TRNT1: variants seen among roughly 807,000 people sequenced by gnomAD.
TRNT1 encodes the protein tRNA nucleotidyl transferase 1.
TRNT1 carries 44 observed loss-of-function variants against 45.6 expected under a neutral mutation model. The observed-to-expected ratio is 0.97, with a 90% CI of 0.76 to 1.24. TRNT1 has a LOEUF of 1.24. Among genes scored for constraint, TRNT1 ranks in the 50% most tolerant of loss-of-function variants. The pLI, the probability that TRNT1 is intolerant of heterozygous loss-of-function variation, is 0.00. For synonymous variants in TRNT1, 201 were observed against 171.4 expected, an observed-to-expected ratio of 1.17 and a Z score of -1.35; for missense variants, 633 against 504.4, an observed-to-expected ratio of 1.25 and a Z score of -2.44.
At chr3:3,139,901 G>T (rs1185857741) in intron 3 of TRNT1, among the ~76,000 whole-genome samples, 2 of 151,986 alleles carry the variant, frequency 1.3e-5, no homozygotes, top group African/African-American at 4.8e-5. Flanking sequence ...TGGTTTTTTT[G>T]TATGTTTGGT....
rs781402673 is a variant in TRNT1, at chr3:3,140,680, T to A, written c.481+32T>A. 12 of 1,603,594 alleles carry A rather than the reference T, an allele frequency of 7.5e-6. No individual in the cohort carries two copies. In the Admixed American group the frequency reaches 1.7e-4, roughly 23 times the overall value. On this transcript the variant is annotated intron_variant, in intron 4 of 7. Transcript: ENST00000251607. ...TTTGCAGATAAAACCATATTGTGAG[T>A]CTATCAGAATGCCTTCTTTTCAAGT...
At chr3:3,152,306 C>T, downstream of TRNT1, 1 of 810,476 alleles carries the variant, frequency 1.2e-6, no homozygotes, top group Admixed American at 2.6e-5. Context: ...ACCCCTGCCC[C>T]CATACCCGGC....
intron 1 of TRNT1, chr3:3,127,849 C>G (rs933154353): frequency 2.0e-5 from 3 of 152,132 alleles, no homozygotes; most frequent in Non-Finnish European, 4.4e-5. Flanking sequence ...TGCTCCCCGA[C>G]CAAACCACCA....
chr3:3,144,585 T>G lies in TRNT1; in HGVS notation c.483T>G (p.Gly161=). The change falls in exon 5 of 8, where the codon GGT becomes GGG. Residue 161 remains glycine (G), a splice_region_variant and synonymous_variant. Transcript: ENST00000251607. ...RDLTINSMFL[G]FDGTLFDYFN... is the part of the protein sequence containing the mutation. ...TCTCCCTCCTTTTCTAATGAATAGG[T>G]TTTGATGGCACTTTATTTGACTACT... The G allele has an allele frequency of 6.3e-7, 1 of 1,577,856 alleles. No homozygotes were observed. The highest frequency in any genetic ancestry group is 8.6e-7 in the Non-Finnish European group (1 of 1,161,238).
intron 2 of TRNT1, among the ~76,000 whole-genome samples, chr3:3,132,547 G>A (rs1430130033): frequency 7.8e-5 from 6 of 76,528 alleles, no homozygotes; most frequent in African/African-American, 3.1e-4. Context: ...TCGGGGGAGG[G>A]GGGAGGGATA....
At chr3:3,142,964 A>G (rs1249538822) in intron 4 of TRNT1, among the ~76,000 whole-genome samples, 2 of 152,230 alleles carry the variant, frequency 1.3e-5, no homozygotes, top group East Asian at 3.8e-4. Context: ...AACTATTAAC[A>G]GCTTGGAAAG....
rs1706140312 is a variant in TRNT1, at chr3:3,147,708, GTA to G, written c.1056+10_1056+11del. The G allele has an allele frequency of 2.5e-6, 4 of 1,603,968 alleles. No individual in the cohort carries two copies. The highest frequency in any genetic ancestry group is 2.6e-6 in the Non-Finnish European group (3 of 1,175,496). On this transcript the variant is annotated splice_donor_region_variant and intron_variant, in intron 7 of 7. Coordinates refer to ENST00000251607, the MANE Select transcript of TRNT1 (RefSeq NM_182916.3). Reference sequence around the variant, plus strand: ...TATCAAGACTTCATTATAGATGTAAGTATATACTAGGCTTGGTCAGAAATATG... The same window carrying G: ...TATCAAGACTTCATTATAGATGTAAGTATACTAGGCTTGGTCAGAAATATG...
At chr3:3,142,061 T>C (rs1286714578) in intron 4 of TRNT1, among the ~76,000 whole-genome samples, 1 of 152,182 alleles carries the variant, frequency 6.6e-6, no homozygotes, top group Non-Finnish European at 1.5e-5. Context: ...TATATGACCA[T>C]AGAGAGCCCA....
intron 2 of TRNT1, among the ~76,000 whole-genome samples, chr3:3,133,518 ACTGCACTCCAGC>A (rs1005983825): frequency 6.6e-6 from 1 of 151,890 alleles, no homozygotes; most frequent in African/African-American, 2.4e-5. Context: ...TGGTGGTGCC[ACTGCACTCCAGC>A]CTGGATGACA....
At position 3,147,713 on chromosome 3, in the gene TRNT1, T is replaced by C. The variant is rs1706140866; in HGVS notation, c.1056+10T>C. 6.3e-7 allele frequency: 1 copy of C among 1,592,844 alleles called. No individual in the cohort carries two copies. Among genetic ancestry groups the C allele is most frequent in the Non-Finnish European group, 8.5e-7 (1 of 1,171,282 alleles). ...AGACTTCATTATAGATGTAAGTATA[T>C]ACTAGGCTTGGTCAGAAATATGAAG... On this transcript the variant is annotated intron_variant, in intron 7 of 7. Coordinates refer to ENST00000251607, the MANE Select transcript of TRNT1 (RefSeq NM_182916.3).
chr3:3,127,756 C>T (rs1013760809), intron 1 of TRNT1: 2 of 152,194 alleles, frequency 1.3e-5, no homozygotes, highest in African/African-American at 2.4e-5. Context: ...TTCTAGAACC[C>T]CGCATCCCTC....
intron 2 of TRNT1, among the ~76,000 whole-genome samples, chr3:3,133,380 C>A (rs374029781): frequency 1.1e-4 from 16 of 151,940 alleles, no homozygotes; most frequent in East Asian, 9.8e-4. Context: ...ATAGTGAAAT[C>A]CCATCTGTAC....
downstream of TRNT1, chr3:3,149,928 G>T (rs570695643): frequency 3.9e-5 from 6 of 152,230 alleles, no homozygotes; most frequent in Middle Eastern, 3.4e-3. Context: ...TTGAATATAA[G>T]CAAAGAGGTA....
chr3:3,136,194 C>T (rs1439096526), intron 2 of TRNT1, among the ~76,000 whole-genome samples: 2 of 152,098 alleles, frequency 1.3e-5, no homozygotes, highest in African/African-American at 2.4e-5. Flanking sequence ...ATCGATCCAT[C>T]GTGGTCACAG....
At chr3:3,135,658 G>C (rs1271330008) in intron 2 of TRNT1, among the ~76,000 whole-genome samples, 1 of 152,180 alleles carries the variant, frequency 6.6e-6, no homozygotes, top group Non-Finnish European at 1.5e-5. Context: ...GGGAAGAGTA[G>C]GTGGAAGAGG....
chr3:3,143,561 T>C (rs1451679464), intron 4 of TRNT1, among the ~76,000 whole-genome samples: 1 of 152,194 alleles, frequency 6.6e-6, no homozygotes, highest in African/African-American at 2.4e-5. Flanking sequence ...TCGTTGCCGA[T>C]CTGAAAGACG....
downstream of TRNT1, among the ~76,000 whole-genome samples, chr3:3,152,256 G>C (rs1039125869): frequency 6.6e-6 from 1 of 151,306 alleles, no homozygotes; most frequent in African/African-American, 2.4e-5. Flanking sequence ...AGGTTCAAGA[G>C]ATTCTTGTGC....
downstream of TRNT1, chr3:3,150,807 A>G: frequency 2.6e-6 from 4 of 1,537,366 alleles, no homozygotes; most frequent in Non-Finnish European, 3.6e-6. Flanking sequence ...AATAATTTCC[A>G]AAGCAGATCT....
downstream of TRNT1, chr3:3,153,017 T>G (rs1240784772): frequency 2.3e-5 from 7 of 298,062 alleles, no homozygotes; most frequent in Non-Finnish European, 4.5e-5. Context: ...AAAATGATTT[T>G]CAAACACTGT....
Sources: gnomAD v4.1 joint callset for allele counts (sites outside exome capture counted in the v4.1 genomes callset) on GRCh38, gnomAD v4.1.1 for gene constraint, MANE v1.5 for transcripts, NCBI Gene and HGNC (gene_info 2026-07-23, HGNC 2026-07-21) for gene names.